APAF1: variants seen among roughly 807,000 people sequenced by gnomAD.
APAF1 encodes the protein apoptotic protease-activating factor 1.
Under a neutral mutation model 152.4 loss-of-function variants are expected in APAF1, and 91 were observed. The ratio of observed to expected loss-of-function variants is 0.60; its 90% CI spans 0.50 to 0.71. The LOEUF (loss-of-function observed/expected upper bound fraction) is 0.71. Among genes scored for constraint, APAF1 ranks in the 30% least tolerant of loss-of-function variants. The pLI is 0.00. For missense variants in APAF1, 1,283 were observed against 1,472.0 expected, an observed-to-expected ratio of 0.87 and a Z score of 2.10; for synonymous variants, 484 against 494.1, an observed-to-expected ratio of 0.98 and a Z score of 0.27.
intron 19 of APAF1, among the ~76,000 whole-genome samples, chr12:98,707,093 TA>T (rs1256152564): frequency 3.3e-5 from 5 of 152,210 alleles, no homozygotes; most frequent in Non-Finnish European, 7.3e-5. Flanking sequence ...GCTTCTAAGA[TA>T]TTTTTTTTTC....
At chr12:98,724,894 G>GA (rs5800361) in intron 24 of APAF1, among the ~76,000 whole-genome samples, 123 of 149,192 alleles carry the variant, frequency 8.2e-4, no homozygotes, top group Non-Finnish European at 1.4e-3. Context: ...AATATTGAAA[G>GA]AAAAAAAAAA....
intron 18 of APAF1, among the ~76,000 whole-genome samples, chr12:98,705,173 G>C (rs2097720097): frequency 6.6e-6 from 1 of 152,022 alleles, no homozygotes; most frequent in African/African-American, 2.4e-5. Context: ...CCCTCTTTCA[G>C]CCTTTCTTGT....
intron 21 of APAF1, 139 bp from the exon 22 acceptor site, chr12:98,715,288 C>G: frequency 3.5e-6 from 1 of 286,730 alleles, no homozygotes; most frequent in Non-Finnish European, 6.5e-6. Context: ...ATATGACATT[C>G]ATTTGTTTTT....
rs776799189 is a variant in APAF1 at position 98,723,687 on chromosome 12, C to T, written c.3253C>T (p.Gln1085Ter). 6.2e-7 allele frequency: 1 copy of T among 1,609,642 alleles called. No homozygotes were observed. The highest frequency in any genetic ancestry group is 1.1e-5 in the South Asian group (1 of 90,958). ...GNKEKDFVCH[Q>*]GTVLSCDISH... ...TAAAGAAAAAGACTTTGTCTGTCAC[C>T]AGGGTACAGTACTTTCTTGTGACAT... Residue 1085 changes from glutamine to a stop codon, truncating the protein, a stop_gained, in exon 24 of 27, where the codon CAG (glutamine) becomes TAG (stop). Transcript: ENST00000551964. LOFTEE classifies it high-confidence loss of function.
intron 10 of APAF1, among the ~76,000 whole-genome samples, chr12:98,669,568 T>G (rs554966001): frequency 6.6e-6 from 1 of 152,328 alleles, no homozygotes; most frequent in South Asian, 2.1e-4. Context: ...GGTCATCTTT[T>G]CATGTCATTT....
chr12:98,706,885 A>T (rs768014520), intron 19 of APAF1, among the ~76,000 whole-genome samples: 7 of 152,242 alleles, frequency 4.6e-5, no homozygotes, highest in Non-Finnish European at 1.0e-4. Flanking sequence ...ATTCCTCAGA[A>T]AAATTTTTGA....
chr12:98,664,250 C>T (rs2097669372), intron 7 of APAF1, among the ~76,000 whole-genome samples: 1 of 151,078 alleles, frequency 6.6e-6, no homozygotes, highest in South Asian at 2.1e-4. Context: ...AACTCCTGAC[C>T]TCGTGATCCA....
At chr12:98,687,023 C>T (rs2097698706) in intron 16 of APAF1, 150 bp downstream of exon 16, 1 of 795,894 alleles carries the variant, frequency 1.3e-6, no homozygotes, top group Non-Finnish European at 2.0e-6. Context: ...ACTGTAATTG[C>T]TTATCGTAAT....
intron 3 of APAF1, 191 bp downstream of exon 3, chr12:98,649,006 C>T: frequency 1.3e-6 from 1 of 752,522 alleles, no homozygotes; most frequent in Non-Finnish European, 2.2e-6. Context: ...TTCTTCTTGC[C>T]CAGTGAACTG....
chr12:98,700,138 G>A (rs2097713825), intron 17 of APAF1, among the ~76,000 whole-genome samples: 1 of 152,120 alleles, frequency 6.6e-6, no homozygotes, highest in South Asian at 2.1e-4. Context: ...ATAGTAGCTG[G>A]TATTTGTGGT....
intron 15 of APAF1, 25 bp from the exon 16 acceptor site, chr12:98,686,723 T>A (rs1242285604): frequency 6.2e-7 from 1 of 1,608,326 alleles, no homozygotes; most frequent in Non-Finnish European, 8.5e-7. Context: ...AGTTGTTTAT[T>A]TATCTTTTTT....
At chr12:98,668,649 GAAGAATCAAAGATGACTCC>G (rs1285235901) in intron 10 of APAF1, among the ~76,000 whole-genome samples, 5 of 152,156 alleles carry the variant, frequency 3.3e-5, no homozygotes, top group Non-Finnish European at 5.9e-5. Flanking sequence ...ACGAGAAAGA[GAAGAATCAAAGATGACTCC>G]AAGAATCAAA....
chr12:98,664,980 A>AT (rs2097670291), intron 7 of APAF1, among the ~76,000 whole-genome samples: 1 of 151,938 alleles, frequency 6.6e-6, no homozygotes, highest in Non-Finnish European at 1.5e-5. Context: ...GTTGTTTAAG[A>AT]TTTTTTCACT....
chr12:98,671,130 A>C, intron 11 of APAF1, 44 bp downstream of exon 11: 16 of 1,158,576 alleles, frequency 1.4e-5, no homozygotes, highest in Non-Finnish European at 2.1e-5. Flanking sequence ...AAGGAATCTC[A>C]TTTTTTTTTA....
chr12:98,716,694 A>C (rs1239750342), intron 22 of APAF1, among the ~76,000 whole-genome samples: 2 of 152,088 alleles, frequency 1.3e-5, no homozygotes, highest in African/African-American at 4.8e-5. Context: ...TTCAATTTGG[A>C]AACCTATGAT....
At chr12:98,649,179 CT>C (rs1409459978) in intron 3 of APAF1, 1 of 977,052 alleles carries the variant, frequency 1.0e-6, no homozygotes, top group Admixed American at 6.2e-5. Flanking sequence ...AATGTTCTTC[CT>C]TTTACACTTG....
intron 4 of APAF1, among the ~76,000 whole-genome samples, chr12:98,655,864 A>C (rs1400468105): frequency 6.6e-6 from 1 of 151,892 alleles, no homozygotes; most frequent in African/African-American, 2.4e-5. Flanking sequence ...GCTCACTGCA[A>C]GCTCGGCCTC....
intron 22 of APAF1, among the ~76,000 whole-genome samples, chr12:98,722,723 T>C (rs921294284): frequency 6.6e-6 from 1 of 152,196 alleles, no homozygotes; most frequent in African/African-American, 2.4e-5. Flanking sequence ...TATTTGAAGC[T>C]TGGGAACTCT....
At chr12:98,712,864 C>T (rs917252311) in intron 21 of APAF1, 1 of 192,898 alleles carries the variant, frequency 5.2e-6, no homozygotes, top group Non-Finnish European at 1.1e-5. Context: ...GTTGCACAGG[C>T]TGGAGTGCAG....
Sources: allele counts gnomAD v4.1 joint callset (sites outside exome capture counted in the v4.1 genomes callset), GRCh38; gene constraint gnomAD v4.1.1; transcripts MANE v1.5; gene names NCBI Gene and HGNC (gene_info 2026-07-23, HGNC 2026-07-21).